GPC5: variants seen among roughly 807,000 people sequenced by gnomAD.
GPC5 encodes the protein glypican 5.
In GPC5, 47 loss-of-function variants were observed where a neutral mutation model predicts 53.9. That is an observed-to-expected ratio of 0.87 (90% confidence interval 0.69 to 1.11). The LOEUF (loss-of-function observed/expected upper bound fraction) is 1.11, where lower values mean the gene tolerates loss of function less well. GPC5 is among the 50% of genes most tolerant of loss of function. The pLI is 0.00. For missense variants in GPC5, 748 were observed against 713.1 expected (o/e 1.05, Z -0.56); for synonymous variants, 286 against 263.3 (o/e 1.09, Z -0.84).
At chr13:92,657,263 A>G (rs921818723) in intron 7 of GPC5, among the ~76,000 whole-genome samples, 3 of 152,126 alleles carry the variant, frequency 2.0e-5, no homozygotes, top group African/African-American at 7.2e-5. Flanking sequence ...TAAAAAGAAA[A>G]AGTCATATTT....
chr13:92,713,455 A>T (rs1047526339), intron 7 of GPC5, among the ~76,000 whole-genome samples: 1 of 150,984 alleles, frequency 6.6e-6, no homozygotes, highest in Non-Finnish European at 1.5e-5. Context: ...AAATACAAAA[A>T]AAATTAGCTG....
chr13:92,558,719 A>T (rs931995291), intron 7 of GPC5, among the ~76,000 whole-genome samples: 17 of 151,968 alleles, frequency 1.1e-4, no homozygotes, highest in African/African-American at 4.1e-4. Context: ...AACAAAGCAA[A>T]CTGTTGCTAA....
At chr13:92,481,351 T>A (rs528111053) in intron 7 of GPC5, among the ~76,000 whole-genome samples, 8 of 152,278 alleles carry the variant, frequency 5.3e-5, no homozygotes, top group African/African-American at 1.9e-4. Context: ...TCCGCCCACC[T>A]TGGCCTCCCA....
intron 7 of GPC5, among the ~76,000 whole-genome samples, chr13:92,685,422 A>C (rs1222892038): frequency 6.6e-6 from 1 of 152,060 alleles, no homozygotes; most frequent in African/African-American, 2.4e-5. Context: ...ATGGAAACTA[A>C]AACTTCACCT....
At chr13:92,144,337 T>C (rs1371274581) in intron 6 of GPC5, among the ~76,000 whole-genome samples, 1 of 152,160 alleles carries the variant, frequency 6.6e-6, no homozygotes, top group East Asian at 1.9e-4. Context: ...TCCAAGAAAG[T>C]TTAAATGAAA....
chr13:91,565,146 C>T (rs771561568), intron 2 of GPC5, among the ~76,000 whole-genome samples: 33 of 152,062 alleles, frequency 2.2e-4, no homozygotes, highest in Non-Finnish European at 4.0e-4. Flanking sequence ...TGCACCACCA[C>T]GCCTGGCTAA....
intron 2 of GPC5, among the ~76,000 whole-genome samples, chr13:91,610,805 G>A (rs1366394712): frequency 2.0e-5 from 3 of 152,138 alleles, no homozygotes; most frequent in Admixed American, 1.3e-4. Context: ...CTAATGGTCC[G>A]AAAGTGGGCA....
chr13:92,208,800 C>T lies in GPC5; in HGVS notation c.1561+63811C>T, dbSNP rs75513846. 9.0e-3 allele frequency among the ~76,000 whole-genome samples: 1,367 copies of T among 152,236 alleles called. 28 individuals carry two copies. Among genetic ancestry groups the T allele is most frequent in the African/African-American group, 0.031 (1,277 of 41,528 alleles). ...TTCAATAACTTCAGATAAAGGATAA[C>T]AAGCATATATAAGACTAAAAACATA... On this transcript the variant is annotated intron_variant, in intron 7 of 7. Transcript: ENST00000377067.
intron 6 of GPC5, among the ~76,000 whole-genome samples, chr13:91,949,046 A>C (rs1021998628): frequency 6.6e-6 from 1 of 152,188 alleles, no homozygotes; most frequent in African/African-American, 2.4e-5. Flanking sequence ...AGTCGTTACT[A>C]TCTTCTCTCC....
intron 7 of GPC5, among the ~76,000 whole-genome samples, chr13:92,838,489 A>C (rs56308046): frequency 0.039 from 4,339 of 111,998 alleles, 73 homozygotes; most frequent in South Asian, 0.069. Flanking sequence ...CGCCCCCCCC[A>C]AAAAAAAAAA....
At chr13:92,254,033 G>A (rs752943512) in intron 7 of GPC5, among the ~76,000 whole-genome samples, 2 of 152,070 alleles carry the variant, frequency 1.3e-5, no homozygotes, top group Non-Finnish European at 2.9e-5. Flanking sequence ...AAGGGAGATA[G>A]AGATGGAAGA....
chr13:91,595,785 T>C (rs949341802), intron 2 of GPC5, among the ~76,000 whole-genome samples: 3 of 152,228 alleles, frequency 2.0e-5, no homozygotes, highest in Admixed American at 2.0e-4. Context: ...AGTTGGTGTT[T>C]CCACTTAGTC....
chr13:92,089,119 T>C (rs1424069309), intron 6 of GPC5, among the ~76,000 whole-genome samples: 6 of 152,176 alleles, frequency 3.9e-5, no homozygotes, highest in African/African-American at 1.4e-4. Context: ...GTATTGGCTA[T>C]TGTTCTCAGT....
intron 6 of GPC5, among the ~76,000 whole-genome samples, chr13:92,023,256 A>C (rs116736539): frequency 0.016 from 2,403 of 152,218 alleles, 75 homozygotes; most frequent in African/African-American, 0.055. Flanking sequence ...AAATCAAATT[A>C]CATCATGAAC....
At position 92,149,352 on chromosome 13, in the gene GPC5, A is replaced by G. The variant is rs183234264; in HGVS notation, c.1561+4363A>G. On this transcript the variant is annotated intron_variant, in intron 7 of 7. Coordinates refer to ENST00000377067, the MANE Select transcript of GPC5 (RefSeq NM_004466.6). The stretch of plus-strand genomic sequence containing the variant: ...AAAGCATTTCCCAGTGTAATACCTT[A>G]GGAGGTAGGAGGTAGGCTTATTGGA... 2.1e-3 allele frequency among the ~76,000 whole-genome samples: 318 copies of G among 152,174 alleles called. 2 individuals are homozygous for G. The highest frequency in any genetic ancestry group is 3.6e-3 in the Non-Finnish European group (247 of 67,900).
At chr13:91,860,620 C>T (rs2039017325) in intron 5 of GPC5, among the ~76,000 whole-genome samples, 1 of 150,298 alleles carries the variant, frequency 6.7e-6, no homozygotes, top group Admixed American at 6.7e-5. Context: ...AGTGATTCTT[C>T]CACCTCAGCC....
In GPC5 at chr13:91,600,305, CAGAGAGAGAGAGAG is replaced by C. The variant is rs67108031; in HGVS notation, c.326-92851_326-92838del. On this transcript the variant is annotated intron_variant, in intron 2 of 7. Coordinates refer to ENST00000377067, the MANE Select transcript of GPC5 (RefSeq NM_004466.6). ...TTTATCATGGTAATCGTTCATTTTACAGAGAGAGAGAGAGAGAGAGAGAGAGAGAGAGAGAGAGA... is the reference window on the plus strand; with the variant it reads ...TTTATCATGGTAATCGTTCATTTTACAGAGAGAGAGAGAGAGAGAGAGAGA... Among the ~76,000 whole-genome samples, 1,042 of 146,640 alleles carry C rather than the reference CAGAGAGAGAGAGAG, an allele frequency of 7.1e-3. 6 individuals carry two copies. The highest frequency in any genetic ancestry group is 0.035 in the Middle Eastern group (10 of 288).
chr13:91,818,943 C>T (rs1481290353), intron 5 of GPC5, among the ~76,000 whole-genome samples: 3 of 151,916 alleles, frequency 2.0e-5, no homozygotes, highest in Admixed American at 6.6e-5. Context: ...AAATATGACA[C>T]ACAGTGTAAA....
chr13:91,602,023 TAAG>T (rs551309416), intron 2 of GPC5, among the ~76,000 whole-genome samples: 38 of 152,308 alleles, frequency 2.5e-4, no homozygotes, highest in African/African-American at 8.9e-4. Flanking sequence ...TATTAGAAGT[TAAG>T]AAGGAGGAGC....
Sources: allele counts gnomAD v4.1 joint callset (sites outside exome capture counted in the v4.1 genomes callset), GRCh38; gene constraint gnomAD v4.1.1; transcripts MANE v1.5; gene names NCBI Gene and HGNC (gene_info 2026-07-23, HGNC 2026-07-21).